Variants in THSD4 observed in about 807,000 individuals in gnomAD.
THSD4 encodes the protein thrombospondin type-1 domain-containing protein 4.
In THSD4, 69 loss-of-function variants were observed where a neutral mutation model predicts 119.0. That is an observed-to-expected ratio of 0.58 (90% confidence interval 0.48 to 0.71). The LOEUF (loss-of-function observed/expected upper bound fraction) is 0.71. THSD4 is among the 30% of genes least tolerant of loss of function. The pLI, the probability that THSD4 is intolerant of heterozygous loss-of-function variation, is 0.00. For missense variants in THSD4, 1,393 were observed against 1,391.1 expected (o/e 1.00, Z -0.02); for synonymous variants, 524 against 540.4 (o/e 0.97, Z 0.42).
chr15:71,427,053 A>G (rs1422316193), intron 7 of THSD4, among the ~76,000 whole-genome samples: 1 of 152,116 alleles, frequency 6.6e-6, no homozygotes, highest in Non-Finnish European at 1.5e-5. Context: ...CTAACATAAA[A>G]CTGATGAAAT....
At chr15:71,297,317 TTTTTTTG>T (rs1358766120) in intron 6 of THSD4, among the ~76,000 whole-genome samples, 2 of 146,620 alleles carry the variant, frequency 1.4e-5, no homozygotes, top group Admixed American at 6.8e-5. Flanking sequence ...CTCCTCTTCT[TTTTTTTG>T]TTTGTTTGTT....
intron 6 of THSD4, among the ~76,000 whole-genome samples, chr15:71,370,273 C>G (rs1463614718): frequency 6.6e-6 from 1 of 152,094 alleles, no homozygotes. Flanking sequence ...TTTTATGTCT[C>G]TATCTCCTTC....
At chr15:71,314,467 C>T (rs1274637033) in intron 6 of THSD4, among the ~76,000 whole-genome samples, 4 of 151,992 alleles carry the variant, frequency 2.6e-5, no homozygotes. Context: ...CTACCACGCG[C>T]AGCTAATTAT....
In THSD4 at chr15:71,753,526, T is replaced by G. The variant is rs74022424; in HGVS notation, c.2416-4376T>G. ...GTTTAGGATTTAACTGTTGCTGGAA[T>G]GAGAAGGCAGTCCCCACCAGAGGGT... On this transcript the variant is annotated intron_variant, in intron 14 of 17. Coordinates refer to ENST00000261862, the MANE Select transcript of THSD4 (RefSeq NM_024817.3). Among the ~76,000 whole-genome samples the G allele has an allele frequency of 4.6e-3, 706 of 152,366 alleles. 5 individuals carry two copies. Among genetic ancestry groups the G allele is most frequent in the African/African-American group, 0.016 (660 of 41,586 alleles).
intron 7 of THSD4, among the ~76,000 whole-genome samples, chr15:71,427,578 T>C (rs1318930731): frequency 4.7e-5 from 7 of 148,350 alleles, no homozygotes; most frequent in African/African-American, 1.5e-4. Flanking sequence ...TTGGAGAAAG[T>C]GTATGCCAAG....
chr15:71,235,312 A>G (rs942727736), intron 4 of THSD4, among the ~76,000 whole-genome samples: 6 of 152,172 alleles, frequency 3.9e-5, no homozygotes, highest in Non-Finnish European at 8.8e-5. Context: ...GCCTTGATAT[A>G]TAGTAACAGT....
chr15:71,413,833 G>A (rs760029578), intron 7 of THSD4, among the ~76,000 whole-genome samples: 3 of 152,202 alleles, frequency 2.0e-5, no homozygotes, highest in Non-Finnish European at 4.4e-5. Context: ...CATCCTCTCT[G>A]AGCTTCAGTG....
intron 7 of THSD4, among the ~76,000 whole-genome samples, chr15:71,538,569 G>A (rs1283550653): frequency 6.6e-6 from 1 of 152,216 alleles, no homozygotes; most frequent in Admixed American, 6.5e-5. Flanking sequence ...AGGTTTTCTA[G>A]ACAGATAATT....
intron 6 of THSD4, among the ~76,000 whole-genome samples, chr15:71,285,803 G>A (rs992590000): frequency 4.8e-5 from 6 of 124,516 alleles, no homozygotes; most frequent in Non-Finnish European, 6.3e-5. Context: ...GCAGTGAGCC[G>A]AAATTGTGCT....
chr15:71,774,761 A>C (rs1359379604), intron 17 of THSD4, among the ~76,000 whole-genome samples: 1 of 150,158 alleles, frequency 6.7e-6, no homozygotes, highest in East Asian at 1.9e-4. Flanking sequence ...TGAGCAACAC[A>C]GAAAGACCCC....
chr15:71,124,327 A>G (rs990476531), intron 1 of THSD4, among the ~76,000 whole-genome samples: 11 of 152,350 alleles, frequency 7.2e-5, no homozygotes, highest in African/African-American at 2.6e-4. Flanking sequence ...TAATTTTTAT[A>G]TGCCATAAAA....
intron 7 of THSD4, among the ~76,000 whole-genome samples, chr15:71,442,568 CA>C (rs71154770): frequency 3.9e-4 from 13 of 33,458 alleles, no homozygotes; most frequent in African/African-American, 1.3e-3. Context: ...AACTCCATCT[CA>C]AAAAAAAAAA....
At chr15:71,558,211 C>G (rs1190596246) in intron 7 of THSD4, among the ~76,000 whole-genome samples, 1 of 152,034 alleles carries the variant, frequency 6.6e-6, no homozygotes, top group Non-Finnish European at 1.5e-5. Flanking sequence ...ATCTGTAGTC[C>G]CAGCTACTTG....
At chr15:71,107,808 C>T (rs1475693113) in intron 1 of THSD4, among the ~76,000 whole-genome samples, 1 of 152,180 alleles carries the variant, frequency 6.6e-6, no homozygotes, top group Non-Finnish European at 1.5e-5. Flanking sequence ...TGTTTTCTCC[C>T]CATTTTCCCC....
chr15:71,538,523 G>C (rs1278516606), intron 7 of THSD4, among the ~76,000 whole-genome samples: 1 of 152,206 alleles, frequency 6.6e-6, no homozygotes, highest in African/African-American at 2.4e-5. Flanking sequence ...AAGAAAATAA[G>C]ATTTCATAAA....
Position 71,215,058 on chromosome 15 carries a change from GGGCGCCCCCGAGGACGACGGCGGCGGC to G in THSD4, c.132_158del (p.Glu45_Pro53del), listed in dbSNP as rs748252198. The stretch of plus-strand genomic sequence containing the variant: ...AGGTCCCGCAGCGGATGGCGGCGGA[GGGCGCCCCCGAGGACGACGGCGGCGGC>G]GGCGCCCCGGGAGTGTGGGGCGCCT... On this transcript the variant is annotated inframe_deletion, in exon 4 of 18. Coordinates refer to ENST00000261862, the MANE Select transcript of THSD4 (RefSeq NM_024817.3). 1.2e-5 allele frequency: 15 copies of G among 1,293,350 alleles called. No individual in the cohort carries two copies. The highest frequency in any genetic ancestry group is 1.0e-4 in the South Asian group (4 of 38,590). The allele number at this position is 1,293,350 out of a possible 1,614,324, so 80.1% of individuals were successfully genotyped here.
chr15:71,392,774 G>A (rs755604695), intron 6 of THSD4, among the ~76,000 whole-genome samples: 3 of 152,202 alleles, frequency 2.0e-5, no homozygotes, highest in Non-Finnish European at 2.9e-5. Context: ...CGGTCAAGAA[G>A]CGGGCTGCTT....
chr15:71,216,217 G>C (rs2043931233), intron 4 of THSD4, among the ~76,000 whole-genome samples: 1 of 148,104 alleles, frequency 6.8e-6, no homozygotes, highest in Non-Finnish European at 1.5e-5. Flanking sequence ...ATATGGACAA[G>C]AACAAAAAGT....
At position 71,671,486 on chromosome 15, in the gene THSD4, C is replaced by T. The variant is rs552381917; in HGVS notation, c.1357+10752C>T. Among the ~76,000 whole-genome samples the T allele has an allele frequency of 9.3e-4, 142 of 152,196 alleles. No individual in the cohort carries two copies. The South Asian group carries it at 0.011, about 12-fold the overall frequency. Reference sequence around the variant, plus strand: ...TTTGCTGTGCAGAAGCTCTTGAGTTCAATTAGATCCCATTTGTCAATTTTG... The same window carrying T: ...TTTGCTGTGCAGAAGCTCTTGAGTTTAATTAGATCCCATTTGTCAATTTTG... On this transcript the variant is annotated intron_variant, in intron 8 of 17. Coordinates refer to ENST00000261862, the MANE Select transcript of THSD4 (RefSeq NM_024817.3).
Sources: allele counts gnomAD v4.1 joint callset (sites outside exome capture counted in the v4.1 genomes callset), GRCh38; gene constraint gnomAD v4.1.1; transcripts MANE v1.5; gene names NCBI Gene and HGNC (gene_info 2026-07-23, HGNC 2026-07-21).